HSP90AA1: variants seen among roughly 807,000 people sequenced by gnomAD.
HSP90AA1 encodes the protein heat shock protein 90 alpha family class A member 1.
In HSP90AA1, 18 loss-of-function variants were observed where a neutral mutation model predicts 73.3. The observed-to-expected ratio is 0.25, with a 90% CI of 0.17 to 0.36. HSP90AA1 has a LOEUF of 0.36. HSP90AA1 is among the 10% of genes least tolerant of loss of function. The pLI, the probability that HSP90AA1 is intolerant of heterozygous loss-of-function variation, is 1.00. For missense variants in HSP90AA1, 704 were observed against 874.2 expected, an observed-to-expected ratio of 0.81 and a Z score of 2.45; for synonymous variants, 477 against 296.9, an observed-to-expected ratio of 1.61 and a Z score of -6.24.
At chr14:102,096,767 C>G (rs1256801949) in intron 2 of HSP90AA1, among the ~76,000 whole-genome samples, 1 of 152,204 alleles carries the variant, frequency 6.6e-6, no homozygotes, top group Non-Finnish European at 1.5e-5. Context: ...GCGCCACCCA[C>G]TGGCCAGCTA....
intron 9 of HSP90AA1, 57 bp downstream of exon 9, chr14:102,082,977 C>T: frequency 6.4e-7 from 1 of 1,557,384 alleles, no homozygotes; most frequent in Non-Finnish European, 8.9e-7. Flanking sequence ...CTATGTATGA[C>T]TAAGCTTGAA....
intron 1 of HSP90AA1, among the ~76,000 whole-genome samples, chr14:102,110,827 C>T (rs192768005): frequency 4.9e-4 from 74 of 152,224 alleles, no homozygotes; most frequent in Non-Finnish European, 9.0e-4. Context: ...GTGATTCACC[C>T]GCTTCTGCCT....
At chr14:102,108,954 ATTTAT>A (rs2049605451) in intron 1 of HSP90AA1, among the ~76,000 whole-genome samples, 1 of 152,130 alleles carries the variant, frequency 6.6e-6, no homozygotes, top group Non-Finnish European at 1.5e-5. Context: ...ATTGCATTTC[ATTTAT>A]TTTAATTTTT....
At chr14:102,127,515 T>C (rs1452067165) in intron 1 of HSP90AA1, among the ~76,000 whole-genome samples, 1 of 152,210 alleles carries the variant, frequency 6.6e-6, no homozygotes, top group Non-Finnish European at 1.5e-5. Flanking sequence ...TTCAGTCTTA[T>C]CCCTAGAGTC....
intron 1 of HSP90AA1, among the ~76,000 whole-genome samples, chr14:102,124,496 A>G (rs1226259581): frequency 6.6e-6 from 1 of 151,898 alleles, no homozygotes; most frequent in Non-Finnish European, 1.5e-5. Context: ...CCTGGCCTGA[A>G]TGCTACTTTT....
intron 1 of HSP90AA1, among the ~76,000 whole-genome samples, chr14:102,136,812 C>A (rs1269578646): frequency 6.7e-6 from 1 of 149,864 alleles, no homozygotes; most frequent in Non-Finnish European, 1.5e-5. Flanking sequence ...CGTTTGAATC[C>A]GGGAGGCAGA....
intron 1 of HSP90AA1, among the ~76,000 whole-genome samples, chr14:102,107,633 T>G (rs1010821408): frequency 6.6e-6 from 1 of 151,996 alleles, no homozygotes; most frequent in Non-Finnish European, 1.5e-5. Context: ...TAGCCCCTGG[T>G]TTTGCAGAAG....
At position 102,136,354 on chromosome 14, in the gene HSP90AA1, G is replaced by A. The variant is rs1171204698; in HGVS notation, c.155+2896C>T. 2.7e-5 allele frequency among the ~76,000 whole-genome samples: 4 copies of A among 148,942 alleles called. No homozygotes were observed. In the South Asian group the frequency reaches 6.4e-4, roughly 24 times the overall value. ...GAGGGCAAGGTGGGCGGATCACGAG[G>A]TCAGGAGTTCGAGACCAGCCTGACC... On this transcript the variant is annotated intron_variant, in intron 1 of 11. Coordinates refer to the HSP90AA1 transcript ENST00000334701.
chr14:102,082,597 AC>A, intron 9 of HSP90AA1, 153 bp from the exon 10 acceptor site: 1 of 669,714 alleles, frequency 1.5e-6, no homozygotes, highest in Non-Finnish European at 2.6e-6. Context: ...TCCAAAGAGC[AC>A]AGGTTATAAT....
Position 102,081,966 on chromosome 14 carries a change from C to G in HSP90AA1, c.2089+145G>C, listed in dbSNP as rs952602310. The G allele has an allele frequency of 2.3e-5, 18 of 769,436 alleles. No homozygotes were observed. The African/African-American group carries it at 3.1e-4, about 13-fold the overall frequency. The allele number at this position is 769,436 out of a possible 1,614,324, so 47.7% of individuals were successfully genotyped here. On this transcript the variant is annotated intron_variant, in intron 10 of 10. Coordinates refer to ENST00000216281, the MANE Select transcript of HSP90AA1 (RefSeq NM_005348.4). ...ATTTCTTTGCTCTTGTAAGACCTTA[C>G]TTATCCCTAAAAAAAACATACTTTA...
chr14:102,082,924 C>T (rs894932558), intron 9 of HSP90AA1, 110 bp downstream of exon 9: 8 of 1,183,120 alleles, frequency 6.8e-6, no homozygotes, highest in South Asian at 4.9e-5. Flanking sequence ...CAGCCACACA[C>T]AACATAGTTT....
chr14:102,098,323 G>A (rs531237551), intron 2 of HSP90AA1, among the ~76,000 whole-genome samples: 19 of 149,190 alleles, frequency 1.3e-4, no homozygotes, highest in African/African-American at 3.7e-4. Context: ...CACCACGCCC[G>A]GCTAATTTTT....
chr14:102,100,673 C>T (rs1262905808), intron 2 of HSP90AA1, among the ~76,000 whole-genome samples: 6 of 152,252 alleles, frequency 3.9e-5, no homozygotes, highest in Non-Finnish European at 8.8e-5. Flanking sequence ...GATCTGCCCG[C>T]CTGGGCCTCC....
rs371266217 is a variant in HSP90AA1 at position 102,082,583 on chromosome 14, G to A, written c.1756-139C>T. 17 of 702,372 alleles carry A rather than the reference G, an allele frequency of 2.4e-5. No individual in the cohort carries two copies. The East Asian group carries it at 3.2e-4, about 13-fold the overall frequency. The allele number at this position is 702,372 out of a possible 1,614,324, so 43.5% of individuals were successfully genotyped here. On this transcript the variant is annotated intron_variant, in intron 9 of 10. Coordinates refer to ENST00000216281, the MANE Select transcript of HSP90AA1 (RefSeq NM_005348.4). ...CAAATACAACTTAAATGTCGCATTA[G>A]GTATCCAAAGAGCACAGGTTATAAT...
chr14:102,085,173 A>G, intron 4 of HSP90AA1, 125 bp downstream of exon 4: 1 of 1,419,542 alleles, frequency 7.0e-7, no homozygotes, highest in African/African-American at 1.4e-5. Flanking sequence ...TTACAGAGTT[A>G]GGTAGTAGAG....
upstream of HSP90AA1, among the ~76,000 whole-genome samples, chr14:102,089,409 A>G (rs2152615632): frequency 6.6e-6 from 1 of 152,220 alleles, no homozygotes; most frequent in East Asian, 1.9e-4. Flanking sequence ...CCCTCGGTTA[A>G]TAAACAGGAC....
intron 1 of HSP90AA1, among the ~76,000 whole-genome samples, chr14:102,125,926 C>T (rs1428570747): frequency 3.3e-5 from 5 of 152,154 alleles, no homozygotes; most frequent in African/African-American, 1.2e-4. Context: ...CTATTATAAG[C>T]TTACGGTCTA....
chr14:102,096,344 G>T (rs1470427022), intron 2 of HSP90AA1, among the ~76,000 whole-genome samples: 2 of 152,040 alleles, frequency 1.3e-5, no homozygotes, highest in African/African-American at 4.8e-5. Flanking sequence ...CAGCCTCCAG[G>T]GGCAGCAGAT....
chr14:102,137,227 T>C (rs1053790140), intron 1 of HSP90AA1, among the ~76,000 whole-genome samples: 12 of 150,422 alleles, frequency 8.0e-5, no homozygotes, highest in Admixed American at 7.3e-4. Context: ...GGCAACAGAG[T>C]GAGACTCCAT....
Sources: allele counts gnomAD v4.1 joint callset (sites outside exome capture counted in the v4.1 genomes callset), GRCh38; gene constraint gnomAD v4.1.1; transcripts MANE v1.5; gene names NCBI Gene and HGNC (gene_info 2026-07-23, HGNC 2026-07-21).